MED13: variants seen among roughly 807,000 people sequenced by gnomAD.
The protein encoded by MED13 is mediator of RNA polymerase II transcription subunit 13.
In MED13, 23 loss-of-function variants were observed where a neutral mutation model predicts 225.2. The ratio of observed to expected loss-of-function variants is 0.10; its 90% confidence interval spans 0.07 to 0.14. MED13 has a LOEUF of 0.14. Ranked by LOEUF, MED13 falls within the 10% of genes least tolerant of loss-of-function variation. MED13 has a pLI of 1.00. For synonymous variants in MED13, 942 were observed against 889.2 expected (o/e 1.06, Z -1.06); for missense variants, 2,197 against 2,594.5 (o/e 0.85, Z 3.33).
intron 23 of MED13, among the ~76,000 whole-genome samples, chr17:61,958,514 T>A (rs2079969406): frequency 6.6e-6 from 1 of 152,048 alleles, no homozygotes; most frequent in African/African-American, 2.4e-5. Flanking sequence ...AATTTTTGTA[T>A]TTTTAGTAGA....
intron 3 of MED13, among the ~76,000 whole-genome samples, chr17:62,051,117 C>G (rs1027588909): frequency 6.6e-6 from 1 of 152,216 alleles, no homozygotes; most frequent in African/African-American, 2.4e-5. Context: ...TTTCTTCTTA[C>G]TAACAAAAAC....
intron 10 of MED13, among the ~76,000 whole-genome samples, chr17:61,993,200 C>CTTTTT (rs964200883): frequency 4.6e-4 from 49 of 107,648 alleles, no homozygotes; most frequent in African/African-American, 9.2e-4. Context: ...TTCTTTCTTT[C>CTTTTT]TTTTTTTTTT....
chr17:62,016,280 C>G (rs971519311), intron 8 of MED13, among the ~76,000 whole-genome samples: 5 of 151,490 alleles, frequency 3.3e-5, no homozygotes, highest in Admixed American at 6.6e-5. Context: ...CCGCGATTAG[C>G]GCTCACTACA....
chr17:62,050,805 A>T (rs961569461), intron 3 of MED13, among the ~76,000 whole-genome samples: 33 of 152,158 alleles, frequency 2.2e-4, no homozygotes, highest in Admixed American at 2.2e-3. Flanking sequence ...GGAGTTCAAG[A>T]CAAGCCTGGG....
Position 62,063,151 on chromosome 17 carries a change from G to T in MED13, c.217C>A (p.Gln73Lys). 3 of 1,614,156 alleles carry T rather than the reference G, an allele frequency of 1.9e-6. No homozygotes were observed. Among genetic ancestry groups the T allele is most frequent in the Non-Finnish European group, 2.5e-6 (3 of 1,180,012 alleles). The part of the protein sequence containing the change: ...ADVLGVWRRD[Q>K]RPGRRELWIF... ...CACAATTCTCTTCTTCCAGGTCTTT[G>T]ATCTCGCCGCCAAACACCAAGTACA... is the stretch of plus-strand genomic sequence containing the variant. Residue 73 changes from glutamine to lysine, a missense_variant, in exon 2 of 30, where the codon CAA becomes AAA. Physicochemically the swap from Gln to Lys is moderately conservative, Grantham distance 53. Transcript: ENST00000397786.
At chr17:61,978,605 A>C (rs1013144304) in intron 16 of MED13, among the ~76,000 whole-genome samples, 1 of 152,136 alleles carries the variant, frequency 6.6e-6, no homozygotes, top group African/African-American at 2.4e-5. Context: ...CTATTTTAAG[A>C]AATCAAGGCA....
At chr17:62,014,450 G>A (rs1379673557) in intron 8 of MED13, among the ~76,000 whole-genome samples, 1 of 152,004 alleles carries the variant, frequency 6.6e-6, no homozygotes, top group Non-Finnish European at 1.5e-5. Context: ...CCAAGTAGCT[G>A]GGATTACAGG....
At chr17:62,047,500 AC>A (rs1322377657) in intron 3 of MED13, among the ~76,000 whole-genome samples, 1 of 152,168 alleles carries the variant, frequency 6.6e-6, no homozygotes, top group African/African-American at 2.4e-5. Flanking sequence ...TGGGAGTTGA[AC>A]AGTGAGAACA....
At chr17:61,985,202 T>C (rs1034687639) in intron 12 of MED13, 112 bp from the exon 13 acceptor site, 9 of 854,998 alleles carry the variant, frequency 1.1e-5, no homozygotes, top group African/African-American at 1.7e-5. Flanking sequence ...AAGTAGTATT[T>C]TGAATCTGTG....
intron 8 of MED13, among the ~76,000 whole-genome samples, chr17:62,016,446 T>C (rs577817717): frequency 1.9e-4 from 29 of 152,170 alleles, no homozygotes; most frequent in Non-Finnish European, 4.0e-4. Flanking sequence ...ATTCTTAATA[T>C]TGAATAGAAA....
Position 62,065,166 on chromosome 17 carries a change from C to T in MED13, c.40G>A (p.Asp14Asn). ...AGGCAGAAGAGGTTACAGTGACAATCTTCCAGGCTGGCCCCGTTCGGCACG... is the reference window on the plus strand; with the variant it reads ...AGGCAGAAGAGGTTACAGTGACAATTTTCCAGGCTGGCCCCGTTCGGCACG... ...SFVPNGASLEDCHCNLFCLAD... is the reference protein window; with the variant it reads ...SFVPNGASLENCHCNLFCLAD... Residue 14 changes from aspartate (D) to asparagine (N), a missense_variant, in exon 1 of 30, where the codon GAT (aspartate) becomes AAT (asparagine). Asp to Asn is a conservative substitution (Grantham distance 23, BLOSUM62 1). Around this residue, in one of 12 missense-constraint regions of MED13, gnomAD observed 884 missense variants for 918.5 expected, o/e 0.96. Coordinates refer to ENST00000397786, the MANE Select transcript of MED13 (RefSeq NM_005121.3). The T allele has an allele frequency of 1.3e-6, 2 of 1,582,252 alleles. No individual in the cohort carries two copies. Among genetic ancestry groups the T allele is most frequent in the Non-Finnish European group, 1.7e-6 (2 of 1,165,884 alleles).
chr17:62,031,197 G>A lies in MED13; in HGVS notation c.1009+247C>T, dbSNP rs147699545. Reference sequence around the variant, plus strand: ...ACACACTGAGTACACAGGAGTGATGGGACATCATGTCTGTAGGTTGTTCTC... The same window carrying A: ...ACACACTGAGTACACAGGAGTGATGAGACATCATGTCTGTAGGTTGTTCTC... On this transcript the variant is annotated intron_variant, in intron 6 of 29. Coordinates refer to ENST00000397786, the MANE Select transcript of MED13 (RefSeq NM_005121.3). The A allele has an allele frequency of 1.2e-5, 4 of 335,116 alleles. No individual in the cohort carries two copies. In the East Asian group the frequency reaches 2.3e-4, roughly 19 times the overall value. 20.8% of individuals were successfully genotyped at this position (335,116 alleles called of 1,614,324 possible).
intron 23 of MED13, among the ~76,000 whole-genome samples, chr17:61,959,593 T>C (rs1001150927): frequency 2.6e-5 from 4 of 152,162 alleles, no homozygotes; most frequent in Non-Finnish European, 4.4e-5. Context: ...ATAAAATTAA[T>C]GTTTCTATCT....
intron 2 of MED13, among the ~76,000 whole-genome samples, chr17:62,060,776 T>C (rs1288564510): frequency 6.6e-6 from 1 of 151,722 alleles, no homozygotes; most frequent in Non-Finnish European, 1.5e-5. Context: ...CTCGGCTCAC[T>C]GCAACCTCCG....
intron 2 of MED13, among the ~76,000 whole-genome samples, chr17:62,061,638 C>T (rs1033234835): frequency 3.9e-5 from 6 of 152,018 alleles, no homozygotes; most frequent in East Asian, 1.9e-4. Context: ...GACCACTTAA[C>T]GATTAAAATA....
intron 9 of MED13, among the ~76,000 whole-genome samples, chr17:61,997,143 T>A (rs987805860): frequency 2.6e-5 from 4 of 152,216 alleles, no homozygotes; most frequent in African/African-American, 7.2e-5. Context: ...AAATCTTATC[T>A]CATTCATCTA....
At chr17:62,015,256 G>A (rs1160320762) in intron 8 of MED13, among the ~76,000 whole-genome samples, 2 of 152,144 alleles carry the variant, frequency 1.3e-5, no homozygotes, top group Non-Finnish European at 2.9e-5. Context: ...GTATTTTTTA[G>A]AGCCGCATAC....
intron 1 of MED13, 54 bp downstream of exon 1, chr17:62,065,086 A>G: frequency 6.9e-7 from 1 of 1,457,756 alleles, no homozygotes; most frequent in Non-Finnish European, 9.2e-7. Flanking sequence ...CCCACGGCCC[A>G]AGGGCGCACC....
intron 27 of MED13, among the ~76,000 whole-genome samples, chr17:61,951,991 G>A (rs1336615096): frequency 2.0e-5 from 3 of 151,862 alleles, no homozygotes; most frequent in East Asian, 1.9e-4. Context: ...TCCACCTCCC[G>A]GGTTCACACC....
Sources: gnomAD v4.1 joint callset for allele counts (sites outside exome capture counted in the v4.1 genomes callset) on GRCh38, gnomAD v4.1.1 for gene constraint, gnomAD v4.1.1 regional missense constraint, MANE v1.5 for transcripts, NCBI Gene and HGNC (gene_info 2026-07-23, HGNC 2026-07-21) for gene names.